Variants in MICU2 observed in about 807,000 individuals in gnomAD.
The protein encoded by MICU2 is mitochondrial calcium uptake 2.
Under a neutral mutation model 60.4 loss-of-function variants are expected in MICU2, and 64 were observed. That is an observed-to-expected ratio of 1.06 (90% confidence interval 0.87 to 1.31). MICU2 has a LOEUF of 1.31. Among genes scored for constraint, MICU2 ranks in the 50% most tolerant of loss-of-function variants. The pLI is 0.00. For synonymous variants in MICU2, 201 were observed against 175.0 expected (o/e 1.15, Z -1.17); for missense variants, 569 against 531.0 (o/e 1.07, Z -0.70).
chr13:21,495,136 G>GT (rs1885960621), intron 11 of MICU2, 25 bp downstream of exon 11: 1 of 1,576,210 alleles, frequency 6.3e-7, no homozygotes, highest in Non-Finnish European at 8.6e-7. Flanking sequence ...ATGTAAACAT[G>GT]TATTATATAA....
chr13:21,516,699 C>T (rs1886578630), intron 6 of MICU2, among the ~76,000 whole-genome samples: 1 of 152,158 alleles, frequency 6.6e-6, no homozygotes, highest in South Asian at 2.1e-4. Flanking sequence ...TAATTTTGGT[C>T]ATTCTCTTGA....
At chr13:21,497,076 A>T (rs540736254) in intron 9 of MICU2, among the ~76,000 whole-genome samples, 1 of 150,566 alleles carries the variant, frequency 6.6e-6, no homozygotes, top group Non-Finnish European at 1.5e-5. Context: ...AATACATAAC[A>T]AACAAACAAA....
At chr13:21,549,203 A>G (rs1461891972) in intron 2 of MICU2, among the ~76,000 whole-genome samples, 1 of 152,114 alleles carries the variant, frequency 6.6e-6, no homozygotes, top group Non-Finnish European at 1.5e-5. Flanking sequence ...TGCTGGGATT[A>G]CAGGCGTGAG....
chr13:21,572,079 G>A (rs893833118), intron 1 of MICU2, among the ~76,000 whole-genome samples: 3 of 152,152 alleles, frequency 2.0e-5, no homozygotes, highest in Non-Finnish European at 4.4e-5. Context: ...TCAAAACCCT[G>A]CCATATTAAA....
chr13:21,587,045 A>G (rs1419485956), intron 1 of MICU2, among the ~76,000 whole-genome samples: 1 of 152,130 alleles, frequency 6.6e-6, no homozygotes, highest in Non-Finnish European at 1.5e-5. Flanking sequence ...CAAAGCTAAA[A>G]GCTCTCCTCT....
intron 2 of MICU2, among the ~76,000 whole-genome samples, chr13:21,540,533 T>G (rs1276153224): frequency 2.0e-5 from 3 of 152,156 alleles, no homozygotes. Flanking sequence ...TTTTCTGTAG[T>G]TTGGGTTGTT....
chr13:21,570,682 C>T (rs1007521938), intron 1 of MICU2, among the ~76,000 whole-genome samples: 3 of 152,132 alleles, frequency 2.0e-5, no homozygotes, highest in African/African-American at 4.8e-5. Context: ...ACACATATTG[C>T]GACTATAACT....
At chr13:21,542,205 T>C (rs1887299972) in intron 2 of MICU2, among the ~76,000 whole-genome samples, 1 of 152,178 alleles carries the variant, frequency 6.6e-6, no homozygotes, top group African/African-American at 2.4e-5. Flanking sequence ...TCACCCAGGA[T>C]GCTTACTCTA....
intron 1 of MICU2, among the ~76,000 whole-genome samples, chr13:21,602,422 T>C (rs1888843082): frequency 1.3e-5 from 2 of 152,180 alleles, no homozygotes; most frequent in South Asian, 4.1e-4. Flanking sequence ...CTCGGGAGGC[T>C]GAGGCAGGAG....
In MICU2 at chr13:21,566,966, A is replaced by G. The variant is rs1474768011; in HGVS notation, c.211-22T>C. 7 of 1,582,718 alleles carry G rather than the reference A, an allele frequency of 4.4e-6. No individual in the cohort carries two copies. In the Admixed American group the frequency reaches 5.6e-5, roughly 13 times the overall value. On this transcript the variant is annotated intron_variant, in intron 1 of 11. Coordinates refer to ENST00000382374, the MANE Select transcript of MICU2 (RefSeq NM_152726.3). ...TTTTCTAAAAGAAAAATAAATTGCA[A>G]TTGAAGATTTTTTCAGTGTTATTCC... is the stretch of plus-strand genomic sequence containing the variant.
chr13:21,587,048 T>C (rs889626151), intron 1 of MICU2, among the ~76,000 whole-genome samples: 1 of 152,134 alleles, frequency 6.6e-6, no homozygotes, highest in South Asian at 2.1e-4. Flanking sequence ...AGCTAAAAGC[T>C]CTCCTCTCTC....
chr13:21,539,484 G>A lies in MICU2; in HGVS notation c.391-107C>T, dbSNP rs1887224258. ...CGGCTAATTTCTTTTTGTATTTTTA[G>A]TAGACACAGGGCTTCACTGTGTTAG... On this transcript the variant is annotated intron_variant, in intron 3 of 11. Transcript: ENST00000382374. 2.3e-5 allele frequency: 30 copies of A among 1,319,240 alleles called. No homozygotes were observed. In the South Asian group the frequency reaches 3.9e-4, roughly 17 times the overall value. The allele number at this position is 1,319,240 out of a possible 1,614,324, so 81.7% of individuals were successfully genotyped here. A position where few individuals can be genotyped will look rare whatever the true frequency, so the allele number is the denominator to read the frequency against.
At chr13:21,496,443 A>C in intron 9 of MICU2, 1 of 344,786 alleles carries the variant, frequency 2.9e-6, no homozygotes. Flanking sequence ...GTGAGAAATA[A>C]ATTTATTGTT....
intron 8 of MICU2, among the ~76,000 whole-genome samples, chr13:21,507,926 C>CTCTT (rs530265914): frequency 9.2e-5 from 14 of 151,628 alleles, no homozygotes; most frequent in South Asian, 4.2e-4. Flanking sequence ...TTTTCTTTCT[C>CTCTT]TCTTTCTTTC....
chr13:21,500,432 T>C (rs35903050), intron 9 of MICU2, among the ~76,000 whole-genome samples: 1 of 147,070 alleles, frequency 6.8e-6, no homozygotes, highest in Non-Finnish European at 1.5e-5. Context: ...TTTTTTTTTT[T>C]TTTTTTTTTT....
chr13:21,526,073 G>A (rs1886848459), intron 4 of MICU2, among the ~76,000 whole-genome samples: 1 of 150,918 alleles, frequency 6.6e-6, no homozygotes, highest in Admixed American at 6.6e-5. Context: ...GAGTAGCTGG[G>A]ACCACAGGCA....
intron 1 of MICU2, among the ~76,000 whole-genome samples, chr13:21,583,518 C>G (rs1888394977): frequency 6.6e-6 from 1 of 152,210 alleles, no homozygotes; most frequent in South Asian, 2.1e-4. Flanking sequence ...ACAAGTCTTT[C>G]ATATATACTT....
At chr13:21,579,289 A>G (rs1293126171) in intron 1 of MICU2, among the ~76,000 whole-genome samples, 1 of 151,572 alleles carries the variant, frequency 6.6e-6, no homozygotes, top group Non-Finnish European at 1.5e-5. Flanking sequence ...AGTAATACAG[A>G]TATGATTATA....
At chr13:21,561,202 T>G (rs1272616856) in intron 2 of MICU2, among the ~76,000 whole-genome samples, 1 of 152,198 alleles carries the variant, frequency 6.6e-6, no homozygotes, top group Non-Finnish European at 1.5e-5. Context: ...TAAACTGTGT[T>G]TTATGATCCC....
Sources: gnomAD v4.1 joint callset for allele counts (sites outside exome capture counted in the v4.1 genomes callset) on GRCh38, gnomAD v4.1.1 for gene constraint, MANE v1.5 for transcripts, NCBI Gene and HGNC (gene_info 2026-07-23, HGNC 2026-07-21) for gene names.